The following CCDC92B variants were observed in gnomAD, a reference collection of about 807,000 sequenced individuals.
CCDC92B encodes coiled-coil domain containing 92B, also known as coiled-coil domain-containing 92B.
CCDC92B carries 2 observed loss-of-function variants against 5.6 expected under a neutral mutation model. The ratio of observed to expected loss-of-function variants is 0.36; its 90% CI spans 0.15 to 1.12. The LOEUF (loss-of-function observed/expected upper bound fraction) is 1.12, where lower values mean the gene tolerates loss of function less well. Ranked by LOEUF, CCDC92B falls within the 50% of genes most tolerant of loss-of-function variation. The pLI is 0.40. For synonymous variants in CCDC92B, 115 were observed against 122.3 expected, an observed-to-expected ratio of 0.94 and a Z score of 0.39; for missense variants, 271 against 262.2, an observed-to-expected ratio of 1.03 and a Z score of -0.23.
intron 1 of CCDC92B, among the ~76,000 whole-genome samples, chr17:2,738,098 G>C (rs1472558853): frequency 6.6e-6 from 1 of 151,956 alleles, no homozygotes; most frequent in Admixed American, 6.6e-5. Flanking sequence ...GGAGTGCAGT[G>C]GGGCAATGGT....
chr17:2,729,494 C>CAAAA lies in CCDC92B; in HGVS notation c.178+948_178+951dup, dbSNP rs34350398. ...GGGCGACAAGAGCGAGACTCCGTCTCAAAAAAAAAAAAAAAAAAAATTACT... is the reference window on the plus strand; with the variant it reads ...GGGCGACAAGAGCGAGACTCCGTCTCAAAAAAAAAAAAAAAAAAAAAAAATTACT... On this transcript the variant is annotated intron_variant, in intron 3 of 3. Transcript: ENST00000614400. Among the ~76,000 whole-genome samples the CAAAA allele has an allele frequency of 5.3e-4, 60 of 113,924 alleles. 1 individual carries two copies. The highest frequency in any genetic ancestry group is 1.2e-3 in the African/African-American group (35 of 28,674). 74.7% of individuals were successfully genotyped at this position (113,924 alleles called of 152,430 possible). A position where few individuals can be genotyped will look rare whatever the true frequency, so the allele number is the denominator to read the frequency against.
rs1312006869 is a variant in CCDC92B, at chr17:2,749,531, G to A, written c.-144C>T. 2.0e-5 allele frequency: 3 copies of A among 150,474 alleles called. No individual in the cohort carries two copies. The highest frequency in any genetic ancestry group is 3.0e-5 in the Non-Finnish European group (2 of 67,420). 9.3% of individuals were successfully genotyped at this position (150,474 alleles called of 1,614,324 possible). A position where few individuals can be genotyped will look rare whatever the true frequency, so the allele number is the denominator to read the frequency against. ...GATCTGCAGCGCCCGCCCCGGCTGC[G>A]GCGCCATCAGCTGCTGGGAGGCTGC... On this transcript the variant is annotated 5_prime_UTR_variant, in exon 1 of 4. Coordinates refer to ENST00000614400, the MANE Select transcript of CCDC92B (RefSeq NM_001355573.2).
Position 2,748,298 on chromosome 17 carries a change from A to C in CCDC92B, c.-24+1113T>G, listed in dbSNP as rs985386650. 4.4e-5 allele frequency: 52 copies of C among 1,182,478 alleles called. 1 individual carries two copies. The Admixed American group carries it at 1.2e-3, about 27-fold the overall frequency. 73.2% of individuals were successfully genotyped at this position (1,182,478 alleles called of 1,614,324 possible). The stretch of plus-strand genomic sequence containing the variant: ...TCCTTCAGGGCCTTGCTCTGATGTG[A>C]CTTTTACCATGAAGCCATCCCTGAT... On this transcript the variant is annotated intron_variant, in intron 1 of 3. Coordinates refer to ENST00000614400, the MANE Select transcript of CCDC92B (RefSeq NM_001355573.2).
chr17:2,739,661 T>G (rs982040196), intron 1 of CCDC92B, among the ~76,000 whole-genome samples: 4 of 151,904 alleles, frequency 2.6e-5, no homozygotes, highest in Admixed American at 6.6e-5. Flanking sequence ...CAGCCTGGGC[T>G]ACAGAGCAAG....
chr17:2,730,562 T>TGTGTGTGTGTGTGTGTGTGTGAGA (rs1278680807), intron 2 of CCDC92B, 69 bp from the exon 3 acceptor site: 1 of 262,668 alleles, frequency 3.8e-6, no homozygotes, highest in Non-Finnish European at 5.4e-6. Flanking sequence ...TGTGTGTGTG[T>TGTGTGTGTGTGTGTGTGTGTGAGA]GAGAGAGAGA....
chr17:2,749,195 G>A (rs1329261288), intron 1 of CCDC92B, among the ~76,000 whole-genome samples: 3 of 152,086 alleles, frequency 2.0e-5, no homozygotes, highest in Non-Finnish European at 4.4e-5. Context: ...ACCTCGGGCC[G>A]CTCTGGACGC....
chr17:2,735,643 C>A lies in CCDC92B; in HGVS notation c.-23-475G>T, dbSNP rs1310582960. On this transcript the variant is annotated intron_variant, in intron 1 of 3. Coordinates refer to ENST00000614400, the MANE Select transcript of CCDC92B (RefSeq NM_001355573.2). ...ACAGGGTTTCACCATGTTGGCCAGGCTGGTCTTGAACTCCTAACCTCAGGA... is the reference window on the plus strand; with the variant it reads ...ACAGGGTTTCACCATGTTGGCCAGGATGGTCTTGAACTCCTAACCTCAGGA... Among the ~76,000 whole-genome samples the A allele has an allele frequency of 2.0e-5, 3 of 152,176 alleles. No homozygotes were observed. In the East Asian group the frequency reaches 5.8e-4, roughly 29 times the overall value.
chr17:2,731,094 C>A (rs976527515), intron 2 of CCDC92B, among the ~76,000 whole-genome samples: 3 of 152,188 alleles, frequency 2.0e-5, no homozygotes, highest in East Asian at 1.9e-4. Context: ...GTATTCCCCA[C>A]GGCAGGGAGA....
chr17:2,734,178 A>G (rs2070832263), intron 2 of CCDC92B, among the ~76,000 whole-genome samples: 2 of 152,128 alleles, frequency 1.3e-5, no homozygotes, highest in Middle Eastern at 6.8e-3. Context: ...TTCATCTGGA[A>G]TACTCTCTTC....
Position 2,724,438 on chromosome 17 carries a change from C to T in CCDC92B, c.741G>A (p.Gln247=). 2.0e-6 allele frequency: 2 copies of T among 984,090 alleles called. No individual in the cohort carries two copies. The highest frequency in any genetic ancestry group is 2.4e-6 in the Non-Finnish European group (2 of 829,562). The allele number at this position is 984,090 out of a possible 1,614,324, so 61.0% of individuals were successfully genotyped here. Reference sequence around the variant, plus strand: ...ACTCCGGGTCCCCGGGCGCGCTGGGCTGGCTGGGCGCGGGCTGCGGGCCGG... The same window carrying T: ...ACTCCGGGTCCCCGGGCGCGCTGGGTTGGCTGGGCGCGGGCTGCGGGCCGG... The part of the protein sequence containing the change: ...DRAGPQPAPS[Q]PSAPGDPE Residue 247 remains glutamine (Q), a synonymous_variant, in exon 4 of 4, where the codon CAG becomes CAA. Transcript: ENST00000614400. This position sits in a 1 kb window ranked among gnomAD's most constrained non-coding sequence, Gnocchi z 5.0.
intron 1 of CCDC92B, among the ~76,000 whole-genome samples, chr17:2,738,712 A>G (rs1012616435): frequency 6.7e-6 from 1 of 150,126 alleles, no homozygotes; most frequent in Non-Finnish European, 1.5e-5. Flanking sequence ...GTGAGCTGAG[A>G]TCGCGCCACT....
In CCDC92B at chr17:2,721,562, G is replaced by A. The variant is rs1158224650; in HGVS notation, c.*2849C>T. On this transcript the variant is annotated 3_prime_UTR_variant, in exon 4 of 4. Coordinates refer to ENST00000614400, the MANE Select transcript of CCDC92B (RefSeq NM_001355573.2). ...GAGTTGGGCCCCTGTGGCCAAGAGC[G>A]GGCCATGCACTCCAGCTCCCAGTCT... 1 of 152,312 alleles carries A rather than the reference G, an allele frequency of 6.6e-6. No individual in the cohort carries two copies. The highest frequency in any genetic ancestry group is 2.4e-5 in the African/African-American group (1 of 41,460). 9.4% of individuals were successfully genotyped at this position (152,312 alleles called of 1,614,324 possible). A position where few individuals can be genotyped will look rare whatever the true frequency, so the allele number is the denominator to read the frequency against.
chr17:2,725,988 CTTTTTT>C (rs565583381), intron 3 of CCDC92B, among the ~76,000 whole-genome samples: 4 of 78,260 alleles, frequency 5.1e-5, no homozygotes, highest in African/African-American at 5.7e-5. Context: ...TTTATCACGT[CTTTTTT>C]TTTTTTTTTT....
intron 1 of CCDC92B, among the ~76,000 whole-genome samples, chr17:2,740,232 C>T (rs140113075): frequency 1.4e-4 from 22 of 152,062 alleles, no homozygotes; most frequent in East Asian, 9.6e-4. Context: ...TGGGCCTGCG[C>T]GTATGATGGA....
At chr17:2,748,670 G>T (rs928229830) in intron 1 of CCDC92B, among the ~76,000 whole-genome samples, 1 of 152,162 alleles carries the variant, frequency 6.6e-6, no homozygotes, top group Admixed American at 6.5e-5. Flanking sequence ...AATGGATTGA[G>T]TCTTACTGGG....
intron 1 of CCDC92B, among the ~76,000 whole-genome samples, chr17:2,749,112 G>A (rs1197361212): frequency 6.6e-6 from 1 of 152,222 alleles, no homozygotes; most frequent in Non-Finnish European, 1.5e-5. Context: ...GGAGGACGGG[G>A]AAGCGAGGTA....
chr17:2,745,525 G>A (rs938398641), intron 1 of CCDC92B, among the ~76,000 whole-genome samples: 1 of 152,082 alleles, frequency 6.6e-6, no homozygotes, highest in Non-Finnish European at 1.5e-5. Context: ...GGTCACAAAC[G>A]ATCTTGGCAA....
rs1296400108 is a variant in CCDC92B, at chr17:2,722,671, T to A, written c.*1740A>T. ...GAGAAGAGCTCGTCACCCCTAGAGC[T>A]TGACTCTGCTCACCTCCCAGACCCC... On this transcript the variant is annotated 3_prime_UTR_variant, in exon 4 of 4. Coordinates refer to ENST00000614400, the MANE Select transcript of CCDC92B (RefSeq NM_001355573.2). 3.3e-5 allele frequency: 5 copies of A among 152,250 alleles called. No individual in the cohort carries two copies. Among genetic ancestry groups the A allele is most frequent in the Admixed American group, 3.3e-4 (5 of 15,272 alleles). 9.4% of individuals were successfully genotyped at this position (152,250 alleles called of 1,614,324 possible).
intron 1 of CCDC92B, among the ~76,000 whole-genome samples, chr17:2,738,785 G>A (rs919752372): frequency 7.0e-6 from 1 of 143,336 alleles, no homozygotes; most frequent in African/African-American, 2.6e-5. Flanking sequence ...AAAAAGAAAT[G>A]TAAGGCCTGG....
Sources: gnomAD v4.1 joint callset for allele counts (sites outside exome capture counted in the v4.1 genomes callset) on GRCh38, gnomAD v4.1.1 for gene constraint, Gnocchi (gnomAD v3.1) non-coding constraint, MANE v1.5 for transcripts, NCBI Gene and HGNC (gene_info 2026-07-23, HGNC 2026-07-21) for gene names.